The following ERP44 variants were observed in gnomAD, a reference collection of about 807,000 sequenced individuals.
ERP44 encodes the protein endoplasmic reticulum resident protein 44.
ERP44 carries 25 observed loss-of-function variants against 53.4 expected under a neutral mutation model. The observed-to-expected ratio is 0.47, with a 90% CI of 0.34 to 0.65. ERP44 has a LOEUF of 0.65. Among genes scored for constraint, ERP44 ranks in the 30% least tolerant of loss-of-function variants. The pLI is 0.01. For synonymous variants in ERP44, 145 were observed against 161.2 expected (o/e 0.90, Z 0.76); for missense variants, 338 against 493.2 (o/e 0.69, Z 2.98).
intron 11 of ERP44, among the ~76,000 whole-genome samples, chr9:99,983,906 G>C (rs1394064514): frequency 6.6e-6 from 1 of 152,164 alleles, no homozygotes; most frequent in Non-Finnish European, 1.5e-5. Context: ...ATGAACAAAT[G>C]TAAGTTCACT....
chr9:99,989,720 C>T (rs1270531691), intron 10 of ERP44, among the ~76,000 whole-genome samples: 1 of 152,154 alleles, frequency 6.6e-6, no homozygotes, highest in African/African-American at 2.4e-5. Context: ...TCGGTAATAA[C>T]AAACTTCTCC....
chr9:100,097,641 C>T (rs1826656457), intron 1 of ERP44, among the ~76,000 whole-genome samples: 1 of 152,184 alleles, frequency 6.6e-6, no homozygotes, highest in Non-Finnish European at 1.5e-5. Flanking sequence ...ACTTTTTGTT[C>T]TCAAAAGTAC....
chr9:99,989,399 CAG>C (rs1444845973), intron 10 of ERP44, among the ~76,000 whole-genome samples: 1 of 152,198 alleles, frequency 6.6e-6, no homozygotes, highest in African/African-American at 2.4e-5. Flanking sequence ...CCCAGGCAAA[CAG>C]GGTCTGGAGT....
chr9:100,009,756 A>C (rs1202262163), intron 8 of ERP44, among the ~76,000 whole-genome samples: 1 of 152,078 alleles, frequency 6.6e-6, no homozygotes, highest in African/African-American at 2.4e-5. Flanking sequence ...CTCCATTTCA[A>C]ATTCTAAACA....
At chr9:100,008,964 A>C (rs1397654626) in intron 8 of ERP44, among the ~76,000 whole-genome samples, 4 of 151,976 alleles carry the variant, frequency 2.6e-5, no homozygotes, top group East Asian at 1.9e-4. Context: ...GTTGGTCCCA[A>C]ACTCCTGGGC....
At chr9:100,041,587 G>A (rs1825903218) in intron 4 of ERP44, among the ~76,000 whole-genome samples, 1 of 152,152 alleles carries the variant, frequency 6.6e-6, no homozygotes, top group Non-Finnish European at 1.5e-5. Context: ...AGAATCACTT[G>A]AACCTGGGAG....
At chr9:99,998,765 TTC>T (rs1286621906) in intron 10 of ERP44, 7 of 798,934 alleles carry the variant, frequency 8.8e-6, no homozygotes, top group South Asian at 6.2e-5. Context: ...AACGTTTCTT[TTC>T]TCTCTCCTCC....
At chr9:100,015,670 G>A (rs949066888) in intron 8 of ERP44, among the ~76,000 whole-genome samples, 1 of 152,200 alleles carries the variant, frequency 6.6e-6, no homozygotes, top group African/African-American at 2.4e-5. Context: ...AATCTGCAAA[G>A]CATTGCTCCT....
chr9:100,039,601 T>C (rs1274859444), intron 4 of ERP44, among the ~76,000 whole-genome samples: 1 of 151,922 alleles, frequency 6.6e-6, no homozygotes, highest in African/African-American at 2.4e-5. Flanking sequence ...AACCTAATGA[T>C]ACCTCTTAAA....
Position 99,980,828 on chromosome 9 carries a change from T to C in ERP44, c.*1784A>G, listed in dbSNP as rs144013232. On this transcript the variant is annotated 3_prime_UTR_variant, in exon 12 of 12. Coordinates refer to ENST00000262455, the MANE Select transcript of ERP44 (RefSeq NM_015051.3). The stretch of plus-strand genomic sequence containing the variant: ...TCAACTCCCTTTTTAACAGCCACTT[T>C]ATCATCTTAGAGCATACTGAACACG... 1.3e-4 allele frequency: 20 copies of C among 152,392 alleles called. No homozygotes were observed. The highest frequency in any genetic ancestry group is 4.6e-4 in the African/African-American group (19 of 41,600). The allele number at this position is 152,392 out of a possible 1,614,324, so 9.4% of individuals were successfully genotyped here. A position where few individuals can be genotyped will look rare whatever the true frequency, so the allele number is the denominator to read the frequency against.
At chr9:100,068,194 G>A (rs529575622) in intron 1 of ERP44, among the ~76,000 whole-genome samples, 16 of 150,176 alleles carry the variant, frequency 1.1e-4, no homozygotes, top group African/African-American at 3.4e-4. Context: ...AGCCCCGTCC[G>A]GGAGGGAGGT....
intron 8 of ERP44, among the ~76,000 whole-genome samples, chr9:100,011,565 T>C (rs1393619422): frequency 6.6e-6 from 1 of 152,186 alleles, no homozygotes; most frequent in Non-Finnish European, 1.5e-5. Context: ...TGAACTCCTG[T>C]ACCTGAGCAT....
chr9:100,070,807 G>A (rs570274446), intron 1 of ERP44, among the ~76,000 whole-genome samples: 10 of 152,282 alleles, frequency 6.6e-5, no homozygotes, highest in Admixed American at 3.3e-4. Flanking sequence ...TCGGATGACA[G>A]GAAATTTTAC....
intron 1 of ERP44, among the ~76,000 whole-genome samples, chr9:100,064,950 T>C (rs915170442): frequency 6.6e-6 from 1 of 152,234 alleles, no homozygotes; most frequent in Non-Finnish European, 1.5e-5. Context: ...CAAACGTTTA[T>C]ACAGTTAAAA....
At chr9:100,066,882 G>A (rs976085730) in intron 1 of ERP44, among the ~76,000 whole-genome samples, 17 of 152,120 alleles carry the variant, frequency 1.1e-4, no homozygotes, top group African/African-American at 3.9e-4. Context: ...TATCAATCAA[G>A]GCACATCTCA....
chr9:100,031,570 T>A (rs780751357), intron 4 of ERP44, among the ~76,000 whole-genome samples: 1 of 152,236 alleles, frequency 6.6e-6, no homozygotes, highest in Non-Finnish European at 1.5e-5. Flanking sequence ...ACGAACCATC[T>A]TGAATTTTCC....
intron 8 of ERP44, among the ~76,000 whole-genome samples, chr9:100,008,814 G>A (rs1242899740): frequency 6.6e-6 from 1 of 152,070 alleles, no homozygotes; most frequent in Non-Finnish European, 1.5e-5. Flanking sequence ...GCCCAGGCTG[G>A]AGTACAGCCT....
At chr9:100,080,667 T>C (rs1210788438) in intron 1 of ERP44, among the ~76,000 whole-genome samples, 1 of 152,026 alleles carries the variant, frequency 6.6e-6, no homozygotes, top group African/African-American at 2.4e-5. Flanking sequence ...ACTGCATGGG[T>C]TGGATCAACG....
Position 99,979,897 on chromosome 9 carries a change from T to G in ERP44, c.*2715A>C. 2.5e-6 allele frequency: 1 copy of G among 398,438 alleles called. No individual in the cohort carries two copies. The highest frequency in any genetic ancestry group is 4.4e-6 in the Non-Finnish European group (1 of 225,938). 24.7% of individuals were successfully genotyped at this position (398,438 alleles called of 1,614,324 possible). A position where few individuals can be genotyped will look rare whatever the true frequency, so the allele number is the denominator to read the frequency against. On this transcript the variant is annotated 3_prime_UTR_variant, in exon 12 of 12. Coordinates refer to ENST00000262455, the MANE Select transcript of ERP44 (RefSeq NM_015051.3). ...TCCTTGCTTGCAATCTGTTGATGGA[T>G]CTCTTCTGCCTACAATATATACTAC...
Sources: gnomAD v4.1 joint callset for allele counts (sites outside exome capture counted in the v4.1 genomes callset) on GRCh38, gnomAD v4.1.1 for gene constraint, MANE v1.5 for transcripts, NCBI Gene and HGNC (gene_info 2026-07-23, HGNC 2026-07-21) for gene names.